Variants in STXBP5L observed in about 807,000 individuals in gnomAD.
STXBP5L encodes syntaxin-binding protein 5-like.
In STXBP5L, 65 loss-of-function variants were observed where a neutral mutation model predicts 144.5. The observed-to-expected ratio is 0.45, with a 90% CI of 0.37 to 0.55. STXBP5L has a LOEUF of 0.55. Among genes scored for constraint, STXBP5L ranks in the 20% least tolerant of loss-of-function variants. The probability of loss-of-function intolerance (pLI) is 0.00; values close to 1 mark genes in which losing one functional copy is unlikely to be tolerated. For synonymous variants in STXBP5L, 505 were observed against 469.6 expected (o/e 1.08, Z -0.97); for missense variants, 1,298 against 1,405.5 (o/e 0.92, Z 1.22).
chr3:121,378,550 CT>C (rs1407252089), intron 20 of STXBP5L, among the ~76,000 whole-genome samples, 165 bp from the exon 21 acceptor site: 1 of 152,122 alleles, frequency 6.6e-6, no homozygotes, highest in African/African-American at 2.4e-5. Context: ...TGGCTAACTA[CT>C]AAAATTATGA....
chr3:121,084,691 A>G (rs549527146), intron 5 of STXBP5L, among the ~76,000 whole-genome samples: 15 of 152,332 alleles, frequency 9.8e-5, no homozygotes, highest in African/African-American at 2.9e-4. Flanking sequence ...TCTTTATAAT[A>G]AAATGATTTA....
chr3:121,390,164 C>G (rs2046541314), intron 22 of STXBP5L, among the ~76,000 whole-genome samples: 1 of 152,008 alleles, frequency 6.6e-6, no homozygotes, highest in Non-Finnish European at 1.5e-5. Context: ...CTCTTTTGAC[C>G]TTTGTTAGTA....
At chr3:121,162,449 C>A (rs1185005973) in intron 9 of STXBP5L, among the ~76,000 whole-genome samples, 1 of 152,072 alleles carries the variant, frequency 6.6e-6, no homozygotes, top group Non-Finnish European at 1.5e-5. Flanking sequence ...AAACGTAAGA[C>A]CTAAAACCAT....
At chr3:121,400,266 A>G (rs2046839752) in intron 22 of STXBP5L, among the ~76,000 whole-genome samples, 2 of 152,150 alleles carry the variant, frequency 1.3e-5, no homozygotes, top group South Asian at 4.1e-4. Flanking sequence ...GGAGAGAGGC[A>G]TTCCACTTTC....
chr3:121,043,639 G>A (rs1053714324), intron 4 of STXBP5L, among the ~76,000 whole-genome samples: 5 of 152,076 alleles, frequency 3.3e-5, no homozygotes, highest in Non-Finnish European at 5.9e-5. Context: ...AACTTGGGAG[G>A]CAGAGGTTGC....
At chr3:121,339,171 C>T (rs1020108780) in intron 20 of STXBP5L, among the ~76,000 whole-genome samples, 2 of 152,016 alleles carry the variant, frequency 1.3e-5, no homozygotes, top group African/African-American at 4.8e-5. Context: ...AAATCTTCAA[C>T]AAAATACTAG....
At chr3:120,995,348 A>T (rs559234799) in intron 3 of STXBP5L, among the ~76,000 whole-genome samples, 1 of 151,956 alleles carries the variant, frequency 6.6e-6, no homozygotes, top group Non-Finnish European at 1.5e-5. Flanking sequence ...GGGTTTCCCT[A>T]TGTCAACCAG....
intron 14 of STXBP5L, among the ~76,000 whole-genome samples, chr3:121,244,962 G>A (rs2049797784): frequency 6.6e-6 from 1 of 152,024 alleles, no homozygotes; most frequent in African/African-American, 2.4e-5. Flanking sequence ...AAACACACTA[G>A]ACAACACCAC....
chr3:120,958,007 C>T (rs1938245543), intron 3 of STXBP5L, among the ~76,000 whole-genome samples: 1 of 151,912 alleles, frequency 6.6e-6, no homozygotes, highest in South Asian at 2.1e-4. Flanking sequence ...TGATAGACCG[C>T]TAGCAAGACT....
At chr3:121,382,277 T>C (rs2046339834) in intron 22 of STXBP5L, among the ~76,000 whole-genome samples, 1 of 152,040 alleles carries the variant, frequency 6.6e-6, no homozygotes, top group South Asian at 2.1e-4. Flanking sequence ...ATATATATTA[T>C]ATAGAAGGTT....
intron 2 of STXBP5L, among the ~76,000 whole-genome samples, chr3:120,915,747 T>C (rs1709070364): frequency 6.6e-6 from 1 of 152,082 alleles, no homozygotes. Context: ...TAAACTGTCT[T>C]TATAAGGACT....
At chr3:121,324,026 A>G (rs2044063263) in intron 20 of STXBP5L, among the ~76,000 whole-genome samples, 1 of 152,138 alleles carries the variant, frequency 6.6e-6, no homozygotes, top group Admixed American at 6.5e-5. Context: ...CTATACTAGC[A>G]TTAGGTCCTG....
At chr3:121,116,907 C>T (rs1247470768) in intron 6 of STXBP5L, among the ~76,000 whole-genome samples, 1 of 151,848 alleles carries the variant, frequency 6.6e-6, no homozygotes, top group Non-Finnish European at 1.5e-5. Flanking sequence ...TAAATAAATT[C>T]AATATTAGTG....
In STXBP5L at chr3:121,407,489, T is replaced by C; in HGVS notation, c.2834T>C (p.Leu945Pro). Residue 945 changes from leucine (L) to proline (P), a missense_variant, in exon 23 of 27, where the codon CTT becomes CCT. Physicochemically the swap from Leu to Pro is moderately conservative, Grantham distance 98. Coordinates refer to ENST00000471454, the MANE Select transcript of STXBP5L (RefSeq NM_001308330.2). Reference protein sequence around the residue: ...KVFSLPSQTCLYVHNITETSF... With the variant: ...KVFSLPSQTCPYVHNITETSF... ...TTCTCACTGCCTTCTCAGACTTGCC[T>C]TTATGTTCATAACATCACGGAGACA... The C allele has an allele frequency of 1.9e-6, 3 of 1,613,392 alleles. No homozygotes were observed. The highest frequency in any genetic ancestry group is 3.3e-5 in the Admixed American group (2 of 59,904).
chr3:121,326,996 AAGT>A lies in STXBP5L; in HGVS notation c.2176+8462_2176+8464del, dbSNP rs151246356. ...TATCTCTTTGTGATATCTCCCATTA[AAGT>A]AGTAGCCATATGCAGACTTTGATTC... On this transcript the variant is annotated intron_variant, in intron 20 of 26. Coordinates refer to ENST00000471454, the MANE Select transcript of STXBP5L (RefSeq NM_001308330.2). 6.2e-3 allele frequency among the ~76,000 whole-genome samples: 947 copies of A among 152,242 alleles called. 3 individuals are homozygous for A. The highest frequency in any genetic ancestry group is 0.017 in the Middle Eastern group (5 of 294).
At chr3:121,174,530 A>G (rs2046856447) in intron 9 of STXBP5L, among the ~76,000 whole-genome samples, 1 of 152,142 alleles carries the variant, frequency 6.6e-6, no homozygotes, top group African/African-American at 2.4e-5. Flanking sequence ...ATCTGGGGAG[A>G]GAAAGGTGCC....
At chr3:120,988,276 G>C (rs1482068421) in intron 3 of STXBP5L, among the ~76,000 whole-genome samples, 2 of 151,352 alleles carry the variant, frequency 1.3e-5, no homozygotes, top group Admixed American at 1.3e-4. Context: ...TCTCTGCACT[G>C]CTTTAGCTGT....
At chr3:120,970,751 A>G (rs538958589) in intron 3 of STXBP5L, among the ~76,000 whole-genome samples, 4 of 151,980 alleles carry the variant, frequency 2.6e-5, no homozygotes, top group South Asian at 4.2e-4. Flanking sequence ...TTTTTTTTAC[A>G]TGTGCTTTCC....
At chr3:121,123,795 A>G (rs2044581884) in intron 7 of STXBP5L, among the ~76,000 whole-genome samples, 1 of 151,796 alleles carries the variant, frequency 6.6e-6, no homozygotes, top group South Asian at 2.1e-4. Flanking sequence ...TTAGCATATA[A>G]TCTTGAATAA....
Sources: gnomAD v4.1 joint callset for allele counts (sites outside exome capture counted in the v4.1 genomes callset) on GRCh38, gnomAD v4.1.1 for gene constraint, MANE v1.5 for transcripts, NCBI Gene and HGNC (gene_info 2026-07-23, HGNC 2026-07-21) for gene names.